The following PARD3 variants were observed in gnomAD, a reference collection of about 807,000 sequenced individuals.
PARD3 encodes the protein par-3 family cell polarity regulator.
A neutral mutation model predicts 155.4 loss-of-function variants in PARD3; 75 were observed. The ratio of observed to expected loss-of-function variants is 0.48; its 90% confidence interval spans 0.40 to 0.58. PARD3 has a LOEUF of 0.58. PARD3 is among the 20% of genes least tolerant of loss of function. PARD3 has a pLI of 0.00. For missense variants in PARD3, 1,642 were observed against 1,721.7 expected (o/e 0.95, Z 0.82); for synonymous variants, 576 against 610.5 (o/e 0.94, Z 0.83).
chr10:34,270,466 C>T lies in PARD3; in HGVS notation c.3177-567G>A, dbSNP rs146675833. ...CCATAATTTAAATCTTAAGTTTAAA[C>T]TTTCACTTATTAACTAGCTTTAAAA... On this transcript the variant is annotated intron_variant, in intron 21 of 24. Coordinates refer to ENST00000374788, the MANE Select transcript of PARD3 (RefSeq NM_001184785.2). Among the ~76,000 whole-genome samples the T allele has an allele frequency of 3.1e-3, 478 of 152,156 alleles. 3 individuals are homozygous for T. The highest frequency in any genetic ancestry group is 3.2e-3 in the Non-Finnish European group (215 of 67,990).
chr10:34,250,302 G>A (rs547982804), intron 22 of PARD3, among the ~76,000 whole-genome samples: 2 of 152,236 alleles, frequency 1.3e-5, no homozygotes, highest in Admixed American at 6.5e-5. Flanking sequence ...AATACAGAAC[G>A]AGAAAAAGAG....
chr10:34,447,828 C>G (rs1179192374), intron 5 of PARD3, among the ~76,000 whole-genome samples: 2 of 143,132 alleles, frequency 1.4e-5, no homozygotes, highest in East Asian at 4.0e-4. Flanking sequence ...AAAAAAAAGT[C>G]AAAATGAAAG....
chr10:34,448,509 T>C lies in PARD3; in HGVS notation c.714+1808A>G, dbSNP rs114320123. On this transcript the variant is annotated intron_variant, in intron 5 of 24. Transcript: ENST00000374788. ...AATAAACATATTTTATACTTGAAAT[T>C]TGCTAAGAAGCTAGGCACAGTGGCT... is the stretch of plus-strand genomic sequence containing the variant. Among the ~76,000 whole-genome samples, 442 of 152,260 alleles carry C rather than the reference T, an allele frequency of 2.9e-3. 2 individuals carry two copies. Among genetic ancestry groups the C allele is most frequent in the African/African-American group, 9.4e-3 (391 of 41,540 alleles).
At chr10:34,678,049 T>A (rs1301001651) in intron 2 of PARD3, among the ~76,000 whole-genome samples, 5 of 152,046 alleles carry the variant, frequency 3.3e-5, no homozygotes, top group African/African-American at 4.8e-5. Context: ...TAAAAAATGT[T>A]TTTTTAATTT....
chr10:34,482,938 C>T (rs750732005), intron 3 of PARD3, among the ~76,000 whole-genome samples: 1 of 151,592 alleles, frequency 6.6e-6, no homozygotes, highest in Non-Finnish European at 1.5e-5. Flanking sequence ...CACCTGAGGT[C>T]GGGAGTTCAA....
chr10:34,524,072 T>C (rs1162202090), intron 2 of PARD3, among the ~76,000 whole-genome samples: 1 of 152,204 alleles, frequency 6.6e-6, no homozygotes, highest in African/African-American at 2.4e-5. Context: ...CCTGTGGCAC[T>C]TACATAAAAG....
intron 5 of PARD3, among the ~76,000 whole-genome samples, chr10:34,414,266 CA>C (rs946844048): frequency 5.9e-5 from 9 of 151,716 alleles, no homozygotes; most frequent in African/African-American, 2.2e-4. Flanking sequence ...CATCAAGGTA[CA>C]AAGTACAAAT....
intron 3 of PARD3, among the ~76,000 whole-genome samples, chr10:34,506,178 G>A (rs2081050223): frequency 6.6e-6 from 1 of 152,020 alleles, no homozygotes; most frequent in Non-Finnish European, 1.5e-5. Context: ...TAACAGATAG[G>A]AACTGCAAAG....
chr10:34,623,979 C>CAA (rs767945506), intron 2 of PARD3, among the ~76,000 whole-genome samples: 4 of 120,406 alleles, frequency 3.3e-5, no homozygotes, highest in Admixed American at 1.8e-4. Context: ...GACTCCGTCT[C>CAA]AAAAAAAAAA....
intron 1 of PARD3, among the ~76,000 whole-genome samples, chr10:34,751,376 T>G (rs1209956109): frequency 3.9e-5 from 6 of 152,242 alleles, no homozygotes; most frequent in Admixed American, 2.0e-4. Flanking sequence ...GATATTAATC[T>G]GCCATGCTGA....
At chr10:34,344,443 C>T (rs1168958362) in intron 15 of PARD3, 7 of 527,900 alleles carry the variant, frequency 1.3e-5, no homozygotes, top group Middle Eastern at 9.6e-4. Context: ...ACACAACATC[C>T]GGCTAATTTT....
intron 22 of PARD3, among the ~76,000 whole-genome samples, chr10:34,214,719 C>A (rs896234891): frequency 2.6e-5 from 4 of 152,050 alleles, no homozygotes; most frequent in Admixed American, 6.5e-5. Flanking sequence ...CATTGTATAA[C>A]GGATATCTGA....
intron 2 of PARD3, among the ~76,000 whole-genome samples, chr10:34,581,234 C>CTTTTTTTTTTTTTTTTTTTTTTTTTTTT (rs779658592): frequency 9.9e-6 from 1 of 101,274 alleles, no homozygotes; most frequent in Non-Finnish European, 1.9e-5. Flanking sequence ...TTTTTCTTTT[C>CTTTTTTTTTTTTTTTTTTTTTTTTTTTT]TTTTTTTTTT....
intron 2 of PARD3, among the ~76,000 whole-genome samples, chr10:34,618,782 A>C (rs563294483): frequency 6.6e-6 from 1 of 152,248 alleles, no homozygotes; most frequent in African/African-American, 2.4e-5. Flanking sequence ...TGGCAGAGGC[A>C]CTGGCTTTTT....
intron 4 of PARD3, among the ~76,000 whole-genome samples, chr10:34,452,822 T>C (rs1316700219): frequency 6.6e-6 from 1 of 152,222 alleles, no homozygotes; most frequent in Non-Finnish European, 1.5e-5. Flanking sequence ...CTCCCTATTT[T>C]GACTCAGGCA....
Position 34,635,166 on chromosome 10 carries a change from G to A in PARD3, c.222+61152C>T, listed in dbSNP as rs554168490. Among the ~76,000 whole-genome samples the A allele has an allele frequency of 7.9e-5, 12 of 152,348 alleles. 1 individual carries two copies. The South Asian group carries it at 8.3e-4, about 11-fold the overall frequency. On this transcript the variant is annotated intron_variant, in intron 2 of 24. Transcript: ENST00000374788. ...AGGAGAACTGGAGAAATGCAGCGAC[G>A]TGTTCAAGCTCCATGGATGAATTCA...
At chr10:34,384,347 A>T in intron 7 of PARD3, 93 bp from the exon 8 acceptor site, 2 of 1,182,810 alleles carry the variant, frequency 1.7e-6, no homozygotes, top group South Asian at 1.7e-5. Flanking sequence ...ATTTACAAAG[A>T]TGTCCTTACA....
rs181069745 is a variant in PARD3 at position 34,428,301 on chromosome 10, A to G, written c.714+22016T>C. Among the ~76,000 whole-genome samples the G allele has an allele frequency of 7.0e-4, 106 of 152,328 alleles. 1 individual carries two copies. Among genetic ancestry groups the G allele is most frequent in the South Asian group, 6.6e-3 (32 of 4,826 alleles). ...TAAGAGACAATGCAAAGAGCCCAAC[A>G]TAACTAAAAGCTCTTCATCTACTCA... On this transcript the variant is annotated intron_variant, in intron 5 of 24. Coordinates refer to ENST00000374788, the MANE Select transcript of PARD3 (RefSeq NM_001184785.2).
chr10:34,554,382 G>A (rs2084824445), intron 2 of PARD3, among the ~76,000 whole-genome samples: 1 of 152,180 alleles, frequency 6.6e-6, no homozygotes, highest in South Asian at 2.1e-4. Flanking sequence ...TGTTAGTAAT[G>A]AAGTGTTGAC....
Sources: allele counts gnomAD v4.1 joint callset (sites outside exome capture counted in the v4.1 genomes callset), GRCh38; gene constraint gnomAD v4.1.1; transcripts MANE v1.5; gene names NCBI Gene and HGNC (gene_info 2026-07-23, HGNC 2026-07-21).